PDE4D: variants seen among roughly 807,000 people sequenced by gnomAD.
PDE4D encodes the protein 3',5'-cyclic-AMP phosphodiesterase 4D.
A neutral mutation model predicts 87.4 loss-of-function variants in PDE4D; 24 were observed. The ratio of observed to expected loss-of-function variants is 0.27; its 90% CI spans 0.20 to 0.39. The LOEUF is 0.39. Among genes scored for constraint, PDE4D ranks in the 10% least tolerant of loss-of-function variants. The pLI is 1.00. For synonymous variants in PDE4D, 384 were observed against 383.2 expected (o/e 1.00, Z -0.02); for missense variants, 714 against 1,041.0 (o/e 0.69, Z 4.32).
chr5:59,090,765 G>C (rs527645833), intron 5 of PDE4D, among the ~76,000 whole-genome samples: 23 of 148,660 alleles, frequency 1.5e-4, no homozygotes, highest in African/African-American at 5.5e-4. Context: ...TTCGTTGAGT[G>C]CTCCCAAGTA....
At chr5:59,657,230 C>T (rs567511915) in intron 1 of PDE4D, among the ~76,000 whole-genome samples, 305 of 152,288 alleles carry the variant, frequency 2.0e-3, no homozygotes, top group Non-Finnish European at 3.6e-3. Context: ...GTTATGAATA[C>T]TGTTATAAAT....
intron 1 of PDE4D, among the ~76,000 whole-genome samples, chr5:59,418,440 GC>G (rs1434514336): frequency 6.6e-6 from 1 of 152,038 alleles, no homozygotes; most frequent in Non-Finnish European, 1.5e-5. Context: ...CTTCAACTCT[GC>G]ATAACTGAAT....
chr5:59,965,174 A>G (rs992078596), intron 3 of PDE4D, among the ~76,000 whole-genome samples: 1 of 152,110 alleles, frequency 6.6e-6, no homozygotes, highest in Non-Finnish European at 1.5e-5. Flanking sequence ...GCTCAAAGAC[A>G]TTATCCCAGC....
At chr5:59,293,720 CAG>C (rs1202335132) in intron 1 of PDE4D, among the ~76,000 whole-genome samples, 2 of 152,118 alleles carry the variant, frequency 1.3e-5, no homozygotes, top group African/African-American at 4.8e-5. Flanking sequence ...CTCAGTAATG[CAG>C]AGTTCTTGCC....
chr5:59,406,402 C>A (rs1404098816), intron 1 of PDE4D, among the ~76,000 whole-genome samples: 76 of 63,706 alleles, frequency 1.2e-3, no homozygotes, highest in Non-Finnish European at 1.8e-3. Flanking sequence ...CCTTCCCCCC[C>A]CCCCCCCCCA....
At chr5:59,851,445 A>G (rs1418038079) in intron 1 of PDE4D, among the ~76,000 whole-genome samples, 1 of 152,040 alleles carries the variant, frequency 6.6e-6, no homozygotes, top group East Asian at 1.9e-4. Context: ...TTATTTGCAC[A>G]TAGACCTGGT....
chr5:59,945,346 C>T (rs567087111), intron 3 of PDE4D, among the ~76,000 whole-genome samples: 1 of 152,104 alleles, frequency 6.6e-6, no homozygotes, highest in Non-Finnish European at 1.5e-5. Flanking sequence ...TCATGAAAAA[C>T]CAGTAAAAAT....
chr5:58,975,546 A>C lies in PDE4D; in HGVS notation c.2013+111T>G, dbSNP rs1743504263. The C allele has an allele frequency of 1.1e-6, 1 of 888,966 alleles. No homozygotes were observed. The highest frequency in any genetic ancestry group is 1.6e-6 in the Non-Finnish European group (1 of 634,812). 55.1% of individuals were successfully genotyped at this position (888,966 alleles called of 1,614,324 possible). A position where few individuals can be genotyped will look rare whatever the true frequency, so the allele number is the denominator to read the frequency against. On this transcript the variant is annotated intron_variant, in intron 14 of 14. Coordinates refer to ENST00000340635, the MANE Select transcript of PDE4D (RefSeq NM_001104631.2). This position sits in a 1 kb window ranked among gnomAD's most constrained non-coding sequence, Gnocchi z 4.2. ...CTAAGGTGAAATTGAGCTTGTCAAA[A>C]ACAAAGTAATTTTAAAAATCCAGTA...
At chr5:59,188,805 GTTTAAACCCT>G (rs1299079267) in intron 3 of PDE4D, among the ~76,000 whole-genome samples, 16 of 152,166 alleles carry the variant, frequency 1.1e-4, no homozygotes, top group Non-Finnish European at 1.5e-4. Context: ...GTTATGTTTT[GTTTAAACCCT>G]ATGAAATTGC....
intron 1 of PDE4D, among the ~76,000 whole-genome samples, chr5:59,246,100 T>G (rs1256601099): frequency 6.6e-6 from 1 of 151,834 alleles, no homozygotes; most frequent in East Asian, 1.9e-4. Flanking sequence ...TCGAAAATCC[T>G]TTATTTTTCC....
At chr5:59,289,625 G>T (rs531172546) in intron 1 of PDE4D, among the ~76,000 whole-genome samples, 4 of 151,940 alleles carry the variant, frequency 2.6e-5, no homozygotes, top group African/African-American at 9.7e-5. Flanking sequence ...CAAGAGGTGG[G>T]ACAAGATAAG....
chr5:59,994,462 C>T (rs776811709), intron 2 of PDE4D, among the ~76,000 whole-genome samples: 77 of 152,222 alleles, frequency 5.1e-4, no homozygotes, highest in Non-Finnish European at 9.1e-4. Flanking sequence ...GACCACATCT[C>T]CAGACTCCCT....
intron 1 of PDE4D, among the ~76,000 whole-genome samples, chr5:59,231,207 T>G (rs1755108066): frequency 6.6e-6 from 1 of 152,208 alleles, no homozygotes; most frequent in African/African-American, 2.4e-5. Flanking sequence ...TGAAATGGAA[T>G]CTGGCTGAAG....
chr5:60,045,161 A>T lies in PDE4D; in HGVS notation c.43-56444T>A, dbSNP rs1444149375. Among the ~76,000 whole-genome samples the T allele has an allele frequency of 1.2e-3, 188 of 150,696 alleles. 1 individual carries two copies. Among genetic ancestry groups the T allele is most frequent in the East Asian group, 0.011 (51 of 4,846 alleles). Reference sequence around the variant, plus strand: ...TGTGTTTTTTGGCTGCATAAATGTCATCTTTTGAGAAGTGTCTGTTCATGT... The same window carrying T: ...TGTGTTTTTTGGCTGCATAAATGTCTTCTTTTGAGAAGTGTCTGTTCATGT... On this transcript the variant is annotated intron_variant, in intron 2 of 16. Coordinates refer to the PDE4D transcript ENST00000502484.
At chr5:60,149,784 T>C (rs1781336099) in intron 2 of PDE4D, among the ~76,000 whole-genome samples, 4 of 148,972 alleles carry the variant, frequency 2.7e-5, no homozygotes, top group Admixed American at 1.3e-4. Context: ...CATATATGTA[T>C]ATATAATTAT....
At chr5:59,928,777 T>C (rs969846982) in intron 3 of PDE4D, among the ~76,000 whole-genome samples, 2 of 151,036 alleles carry the variant, frequency 1.3e-5, no homozygotes, top group African/African-American at 2.5e-5. Context: ...TATTTTCTTA[T>C]AACTGTTGAC....
chr5:59,479,280 C>T (rs1445332702), intron 1 of PDE4D, among the ~76,000 whole-genome samples: 1 of 152,026 alleles, frequency 6.6e-6, no homozygotes, highest in Non-Finnish European at 1.5e-5. Context: ...TTCCTAAGCA[C>T]CGTCATGGTT....
chr5:59,817,585 A>G lies in PDE4D; in HGVS notation c.455+75583T>C, dbSNP rs1313382759. ...CATATGTTCATATGTTGAACTCTCA[A>G]TGTCACTATATCTGAAGATAGGGCT... is the stretch of plus-strand genomic sequence containing the variant. On this transcript the variant is annotated intron_variant, in intron 1 of 14. Coordinates refer to ENST00000340635, the MANE Select transcript of PDE4D (RefSeq NM_001104631.2). Among the ~76,000 whole-genome samples, 3 of 152,196 alleles carry G rather than the reference A, an allele frequency of 2.0e-5. No individual in the cohort carries two copies. In the East Asian group the frequency reaches 5.8e-4, roughly 29 times the overall value.
intron 1 of PDE4D, among the ~76,000 whole-genome samples, chr5:59,415,753 A>C (rs926275453): frequency 2.0e-5 from 3 of 152,218 alleles, no homozygotes; most frequent in African/African-American, 7.2e-5. Flanking sequence ...TATCTCATTA[A>C]TAATTATATA....
Sources: allele counts gnomAD v4.1 joint callset (sites outside exome capture counted in the v4.1 genomes callset), GRCh38; gene constraint gnomAD v4.1.1; non-coding constraint Gnocchi (gnomAD v3.1); transcripts MANE v1.5; gene names NCBI Gene and HGNC (gene_info 2026-07-23, HGNC 2026-07-21).